NBAS: variants seen among roughly 807,000 people sequenced by gnomAD.
NBAS encodes NBAS subunit of NRZ tethering complex.
Under a neutral mutation model 302.5 loss-of-function variants are expected in NBAS, and 219 were observed. The ratio of observed to expected loss-of-function variants is 0.72; its 90% confidence interval spans 0.65 to 0.81. The LOEUF (loss-of-function observed/expected upper bound fraction) is 0.81. Among genes scored for constraint, NBAS ranks in the 30% least tolerant of loss-of-function variants. NBAS has a pLI of 0.00. For missense variants in NBAS, 2,932 were observed against 2,841.6 expected (o/e 1.03, Z -0.72); for synonymous variants, 1,118 against 1,021.6 (o/e 1.09, Z -1.80).
chr2:15,234,596 G>A lies in NBAS; in HGVS notation c.6095C>T (p.Ser2032Leu). 1 of 1,614,132 alleles carries A rather than the reference G, an allele frequency of 6.2e-7. No homozygotes were observed. The highest frequency in any genetic ancestry group is 8.5e-7 in the Non-Finnish European group (1 of 1,180,010). ...LEVAVGPLDI[S>L]PKDIVQSAIM... is the part of the protein sequence containing the mutation. ...TGCACTCTGCACTATATCCTTGGGT[G>A]AGATGTCAAGAGGGCCAACTGCCAC... is the stretch of plus-strand genomic sequence containing the variant. The change falls in exon 46 of 52, where the codon TCA becomes TTA. Residue 2032 changes from serine to leucine, a missense_variant. Ser to Leu is a moderately radical substitution (Grantham distance 145). Coordinates refer to ENST00000281513, the MANE Select transcript of NBAS (RefSeq NM_015909.4).
At chr2:15,172,771 T>C (rs1664355543) in intron 51 of NBAS, among the ~76,000 whole-genome samples, 1 of 152,226 alleles carries the variant, frequency 6.6e-6, no homozygotes, top group South Asian at 2.1e-4. Flanking sequence ...AGAGAATTAG[T>C]TGACTTAATT....
At chr2:15,374,493 T>C (rs930017185) in intron 31 of NBAS, 115 bp downstream of exon 31, 9 of 876,342 alleles carry the variant, frequency 1.0e-5, no homozygotes, top group Non-Finnish European at 1.7e-5. Context: ...GCAGGATCTA[T>C]TGCTAATGGA....
At chr2:15,248,786 C>G (rs1203718371) in intron 44 of NBAS, among the ~76,000 whole-genome samples, 1 of 152,058 alleles carries the variant, frequency 6.6e-6, no homozygotes, top group Non-Finnish European at 1.5e-5. Flanking sequence ...CTGAATAGAC[C>G]AATAACAAGT....
At position 15,232,443 on chromosome 2, in the gene NBAS, A is replaced by G. The variant is rs758096889; in HGVS notation, c.6215T>C (p.Val2072Ala). 1.9e-6 allele frequency: 3 copies of G among 1,614,172 alleles called. No individual in the cohort carries two copies. In the South Asian group the frequency reaches 3.3e-5, roughly 18 times the overall value. Residue 2072 changes from valine (V) to alanine (A), a missense_variant, in exon 47 of 52, where the codon GTC becomes GCC. Transcript: ENST00000281513. ...LKVLEGVVAA[V>A]HASVDKGEEL... ...TTACCCCTTGTCCACACTGGCGTGG[A>G]CTGCTGCAACAACACCTTCCAGGAC...
chr2:15,396,502 A>T (rs1213527427), intron 26 of NBAS, 27 bp from the exon 27 acceptor site: 20 of 1,513,552 alleles, frequency 1.3e-5, no homozygotes, highest in Non-Finnish European at 1.8e-5. Context: ...AGAAAAAAAA[A>T]AGCCCTTAAG....
At chr2:14,974,879 C>T in the NBAS span, among the ~76,000 whole-genome samples, 2 of 152,218 alleles carry the variant, frequency 1.3e-5, no homozygotes, top group Non-Finnish European at 2.9e-5. Flanking sequence ...ACCTAATCCC[C>T]TGAGCCCTTT....
intron 35 of NBAS, among the ~76,000 whole-genome samples, chr2:15,344,928 A>G (rs1198856589): frequency 6.6e-6 from 1 of 152,198 alleles, no homozygotes; most frequent in Non-Finnish European, 1.5e-5. Flanking sequence ...TTATCTCAAC[A>G]GATGCAGAAA....
chr2:15,084,331 G>A, the NBAS span, among the ~76,000 whole-genome samples: 1 of 152,134 alleles, frequency 6.6e-6, no homozygotes, highest in African/African-American at 2.4e-5. Context: ...CCAAAGTGCT[G>A]GTATTACAGG....
At chr2:15,171,812 A>G (rs1394099239) in intron 51 of NBAS, among the ~76,000 whole-genome samples, 2 of 152,232 alleles carry the variant, frequency 1.3e-5, no homozygotes, top group South Asian at 2.1e-4. Context: ...AAGAGAAGAC[A>G]GGACACGCAC....
At chr2:15,032,884 G>A in the NBAS span, among the ~76,000 whole-genome samples, 1 of 152,212 alleles carries the variant, frequency 6.6e-6, no homozygotes, top group African/African-American at 2.4e-5. Flanking sequence ...TCAAGACAAG[G>A]GAAGAATGAC....
At chr2:15,492,446 T>G (rs530950638) in intron 11 of NBAS, among the ~76,000 whole-genome samples, 3 of 151,466 alleles carry the variant, frequency 2.0e-5, no homozygotes, top group Non-Finnish European at 4.4e-5. Context: ...TCTTTATTTG[T>G]AGAAACCTTT....
chr2:14,912,194 C>T, the NBAS span, among the ~76,000 whole-genome samples: 12 of 152,098 alleles, frequency 7.9e-5, no homozygotes, highest in African/African-American at 1.2e-4. Flanking sequence ...ATTACAGGAT[C>T]GCCGTTGTAT....
chr2:15,012,627 G>A, the NBAS span, among the ~76,000 whole-genome samples: 1 of 151,978 alleles, frequency 6.6e-6, no homozygotes, highest in Non-Finnish European at 1.5e-5. Context: ...AAAAATCAAA[G>A]ACAAAGCATT....
At chr2:15,140,690 C>T in the NBAS span, among the ~76,000 whole-genome samples, 2 of 152,180 alleles carry the variant, frequency 1.3e-5, no homozygotes, top group Non-Finnish European at 2.9e-5. Context: ...TTCTACATGA[C>T]CCTGGTGGAT....
intron 48 of NBAS, among the ~76,000 whole-genome samples, chr2:15,215,290 G>A (rs952376987): frequency 3.3e-5 from 5 of 152,114 alleles, no homozygotes; most frequent in African/African-American, 1.2e-4. Flanking sequence ...AAAAATTACT[G>A]TCTCTCCGAG....
chr2:15,474,137 C>T lies in NBAS; in HGVS notation c.1529G>A (p.Arg510Gln), dbSNP rs1398311725. 1.2e-6 allele frequency: 2 copies of T among 1,613,974 alleles called. No homozygotes were observed. The highest frequency in any genetic ancestry group is 1.7e-5 in the Admixed American group (1 of 60,000). Residue 510 changes from arginine (R) to glutamine (Q), a missense_variant, in exon 15 of 52, where the codon CGA becomes CAA. Arg to Gln is a conservative substitution (Grantham distance 43, BLOSUM62 1). Transcript: ENST00000281513. The part of the protein sequence containing the change: ...ERFAPPRKRP[R>Q]TITKNYRLVS... ...AAGGCGGTAGTTTTTAGTAATGGTTCGTGGGCGTTTCCGTGGTGGTGCAAA... is the reference window on the plus strand; with the variant it reads ...AAGGCGGTAGTTTTTAGTAATGGTTTGTGGGCGTTTCCGTGGTGGTGCAAA...
chr2:15,520,810 T>TAAAAACAG (rs1662633094), intron 9 of NBAS, among the ~76,000 whole-genome samples: 2 of 152,262 alleles, frequency 1.3e-5, no homozygotes, highest in South Asian at 4.1e-4. Flanking sequence ...GGCCAAAGTT[T>TAAAAACAG]GCCAGAGAAA....
At chr2:15,416,678 C>T (rs1572815295) in intron 24 of NBAS, among the ~76,000 whole-genome samples, 1 of 151,654 alleles carries the variant, frequency 6.6e-6, no homozygotes, top group African/African-American at 2.4e-5. Flanking sequence ...TGGTGGCAGG[C>T]GCCTGTAATC....
the NBAS span, among the ~76,000 whole-genome samples, chr2:15,008,840 A>G: frequency 6.6e-6 from 1 of 152,180 alleles, no homozygotes; most frequent in Non-Finnish European, 1.5e-5. Flanking sequence ...AAACACTTAT[A>G]TGGGTCTAGG....
Sources: allele counts gnomAD v4.1 joint callset (sites outside exome capture counted in the v4.1 genomes callset), GRCh38; gene constraint gnomAD v4.1.1; transcripts MANE v1.5; gene names NCBI Gene and HGNC (gene_info 2026-07-23, HGNC 2026-07-21).